The following PPFIA2 variants were observed in gnomAD, a reference collection of about 807,000 sequenced individuals.
PPFIA2 encodes liprin-alpha-2.
Under a neutral mutation model 175.5 loss-of-function variants are expected in PPFIA2, and 46 were observed. The ratio of observed to expected loss-of-function variants is 0.26; its 90% CI spans 0.21 to 0.34. The LOEUF (loss-of-function observed/expected upper bound fraction) is 0.34. Ranked by LOEUF, PPFIA2 falls within the 10% of genes least tolerant of loss-of-function variation. The probability of loss-of-function intolerance (pLI) is 1.00; values close to 1 mark genes in which losing one functional copy is unlikely to be tolerated. For synonymous variants in PPFIA2, 568 were observed against 511.4 expected (o/e 1.11, Z -1.49); for missense variants, 1,179 against 1,506.1 (o/e 0.78, Z 3.60).
At chr12:81,660,757 A>G (rs535731685) in intron 4 of PPFIA2, among the ~76,000 whole-genome samples, 4 of 152,194 alleles carry the variant, frequency 2.6e-5, no homozygotes, top group African/African-American at 7.2e-5. Flanking sequence ...AGATTCACCA[A>G]AGTTGAAATG....
chr12:81,729,832 C>A (rs983472079), intron 3 of PPFIA2, among the ~76,000 whole-genome samples: 1 of 151,416 alleles, frequency 6.6e-6, no homozygotes, highest in African/African-American at 2.4e-5. Flanking sequence ...AGGATGAATG[C>A]AGCCCACTTA....
chr12:81,611,049 C>A (rs762260888), intron 4 of PPFIA2, among the ~76,000 whole-genome samples: 15 of 152,080 alleles, frequency 9.9e-5, no homozygotes, highest in Non-Finnish European at 1.9e-4. Flanking sequence ...AGAGTAATGG[C>A]TGGCAGCTAG....
chr12:81,695,273 G>A (rs1037306263), intron 3 of PPFIA2, among the ~76,000 whole-genome samples: 1 of 152,154 alleles, frequency 6.6e-6, no homozygotes, highest in Non-Finnish European at 1.5e-5. Flanking sequence ...CTACTTTTAT[G>A]TGGAATTGTA....
chr12:81,743,342 G>A (rs548466459), intron 3 of PPFIA2, among the ~76,000 whole-genome samples: 7 of 144,016 alleles, frequency 4.9e-5, no homozygotes, highest in Non-Finnish European at 9.0e-5. Flanking sequence ...ATTTGAACCC[G>A]GGAGGTGGAG....
In PPFIA2 at chr12:81,347,539, C is replaced by A; in HGVS notation, c.2226G>T (p.Met742Ile). Residue 742 changes from methionine to isoleucine, a missense_variant, in exon 18 of 33, where the codon ATG becomes ATT. Coordinates refer to ENST00000549396, the MANE Select transcript of PPFIA2 (RefSeq NM_003625.5). ...TCTGGACACATCACCATACCAGTGT[C>A]ATGACTCCCATCCGATCCATTTCCC... Reference protein sequence around the residue: ...PAREMDRMGVMTLPSDLRKHR... With the variant: ...PAREMDRMGVITLPSDLRKHR... 6.2e-7 allele frequency: 1 copy of A among 1,601,448 alleles called. No individual in the cohort carries two copies. Among genetic ancestry groups the A allele is most frequent in the South Asian group, 1.1e-5 (1 of 90,816 alleles).
chr12:81,638,682 CTTTTTT>C (rs869311003), intron 4 of PPFIA2, among the ~76,000 whole-genome samples: 2 of 72,684 alleles, frequency 2.8e-5, no homozygotes, highest in Non-Finnish European at 4.9e-5. Context: ...CATAAATTTT[CTTTTTT>C]TTTTTTTTTT....
intron 5 of PPFIA2, among the ~76,000 whole-genome samples, chr12:81,449,576 A>G (rs1301266201): frequency 6.6e-6 from 1 of 151,964 alleles, no homozygotes; most frequent in African/African-American, 2.4e-5. Context: ...GGATTTTATC[A>G]CACCATTACA....
intron 17 of PPFIA2, among the ~76,000 whole-genome samples, chr12:81,348,661 G>A (rs866533580): frequency 1.7e-4 from 26 of 152,046 alleles, no homozygotes; most frequent in Non-Finnish European, 2.9e-4. Flanking sequence ...GCTTGAACCC[G>A]GGAGGCAGAG....
At chr12:81,452,482 T>G (rs377107993) in intron 5 of PPFIA2, among the ~76,000 whole-genome samples, 12 of 152,322 alleles carry the variant, frequency 7.9e-5, no homozygotes, top group African/African-American at 2.9e-4. Flanking sequence ...CCATGTTTCT[T>G]ATGCTCATGT....
intron 4 of PPFIA2, among the ~76,000 whole-genome samples, chr12:81,494,610 C>G (rs1352467281): frequency 6.6e-6 from 1 of 151,734 alleles, no homozygotes; most frequent in African/African-American, 2.4e-5. Context: ...ACCCAAAGGA[C>G]TATAAATCAT....
At chr12:81,317,403 T>C (rs1157905117) in intron 22 of PPFIA2, among the ~76,000 whole-genome samples, 3 of 151,542 alleles carry the variant, frequency 2.0e-5, no homozygotes, top group Admixed American at 1.3e-4. Context: ...TAGGTCTGTT[T>C]AGCTTAAGCG....
At chr12:81,584,438 G>T (rs181742720) in intron 4 of PPFIA2, among the ~76,000 whole-genome samples, 1 of 151,680 alleles carries the variant, frequency 6.6e-6, no homozygotes, top group South Asian at 2.1e-4. Flanking sequence ...CTCAGAGCTG[G>T]ATCATCTTAA....
chr12:81,701,934 AAAGT>A (rs1277379570), intron 3 of PPFIA2, among the ~76,000 whole-genome samples: 1 of 151,474 alleles, frequency 6.6e-6, no homozygotes, highest in Non-Finnish European at 1.5e-5. Context: ...AAAAAAAAAA[AAAGT>A]AAGAAGAAAG....
At chr12:81,426,806 C>G (rs1395665429) in intron 7 of PPFIA2, among the ~76,000 whole-genome samples, 1 of 151,976 alleles carries the variant, frequency 6.6e-6, no homozygotes, top group Non-Finnish European at 1.5e-5. Flanking sequence ...ATCCTTTCAT[C>G]TTGTTTAATA....
intron 3 of PPFIA2, among the ~76,000 whole-genome samples, chr12:81,680,361 TTAGA>T (rs777744749): frequency 1.1e-4 from 16 of 151,902 alleles, no homozygotes; most frequent in South Asian, 4.1e-4. Context: ...ACTTAAAAGG[TTAGA>T]TAGTTTACAT....
chr12:81,282,236 T>C (rs374585878), intron 26 of PPFIA2, among the ~76,000 whole-genome samples: 1 of 152,056 alleles, frequency 6.6e-6, no homozygotes, highest in African/African-American at 2.4e-5. Context: ...TTTAGTTCCT[T>C]ATCATGCCCT....
intron 22 of PPFIA2, among the ~76,000 whole-genome samples, chr12:81,307,867 A>G (rs1347445256): frequency 2.0e-5 from 3 of 152,106 alleles, no homozygotes; most frequent in African/African-American, 4.8e-5. Context: ...TTACCCCTCC[A>G]TGTCTTGCTA....
intron 3 of PPFIA2, among the ~76,000 whole-genome samples, chr12:81,746,727 G>C (rs2083115497): frequency 7.0e-6 from 1 of 143,612 alleles, no homozygotes; most frequent in Admixed American, 7.4e-5. Flanking sequence ...GGAGGTAAAA[G>C]GGAGGGTTCA....
At chr12:81,480,142 C>G (rs561898380) in intron 4 of PPFIA2, among the ~76,000 whole-genome samples, 2 of 152,186 alleles carry the variant, frequency 1.3e-5, no homozygotes, top group African/African-American at 4.8e-5. Context: ...TGTCTTCACA[C>G]TTTATTTCAT....
Sources: gnomAD v4.1 joint callset for allele counts (sites outside exome capture counted in the v4.1 genomes callset) on GRCh38, gnomAD v4.1.1 for gene constraint, MANE v1.5 for transcripts, NCBI Gene and HGNC (gene_info 2026-07-23, HGNC 2026-07-21) for gene names.